Variants in ZNF385D observed in about 807,000 individuals in gnomAD.
The protein encoded by ZNF385D is zinc finger protein 385D.
A neutral mutation model predicts 35.8 loss-of-function variants in ZNF385D; 15 were observed. The observed-to-expected ratio is 0.42, with a 90% CI of 0.28 to 0.64. ZNF385D has a LOEUF of 0.64. Ranked by LOEUF, ZNF385D falls within the 30% of genes least tolerant of loss-of-function variation. The pLI is 0.23. For missense variants in ZNF385D, 474 were observed against 494.6 expected, an observed-to-expected ratio of 0.96 and a Z score of 0.39; for synonymous variants, 212 against 186.8, an observed-to-expected ratio of 1.13 and a Z score of -1.10.
chr3:21,680,148 CTT>C (rs2066854480), intron 1 of ZNF385D, among the ~76,000 whole-genome samples: 1 of 152,084 alleles, frequency 6.6e-6, no homozygotes, highest in Non-Finnish European at 1.5e-5. Context: ...CCTCTTCTCT[CTT>C]GGCTGCCCTC....
At chr3:21,759,627 C>T (rs2070510791) in intron 3 of ZNF385D, among the ~76,000 whole-genome samples, 1 of 152,106 alleles carries the variant, frequency 6.6e-6, no homozygotes, top group Non-Finnish European at 1.5e-5. Context: ...ATCTTATACA[C>T]TTCAGAGGTT....
At chr3:21,684,807 C>T (rs1406361484) in intron 1 of ZNF385D, among the ~76,000 whole-genome samples, 2 of 152,114 alleles carry the variant, frequency 1.3e-5, no homozygotes, top group African/African-American at 2.4e-5. Flanking sequence ...AAGAATGTCA[C>T]ATTTTTAAGA....
At position 21,598,722 on chromosome 3, in the gene ZNF385D, G is replaced by A. The variant is rs193177672; in HGVS notation, c.166-34038C>T. ...AGGTACTGTGACTTAAATAATAAAG[G>A]AAATAAATATCTGAGGACTTGATAT... On this transcript the variant is annotated intron_variant, in intron 2 of 7. Coordinates refer to ENST00000281523, the MANE Select transcript of ZNF385D (RefSeq NM_024697.3). 1.7e-3 allele frequency among the ~76,000 whole-genome samples: 257 copies of A among 152,204 alleles called. 2 individuals are homozygous for A. The highest frequency in any genetic ancestry group is 3.4e-3 in the Middle Eastern group (1 of 294).
At chr3:21,695,180 G>A (rs17009343) in intron 1 of ZNF385D, among the ~76,000 whole-genome samples, 3,766 of 152,298 alleles carry the variant, frequency 0.025, 164 homozygotes, top group African/African-American at 0.084. Flanking sequence ...ACAAAAGCGC[G>A]ATGTGAAAAG....
chr3:21,420,498 G>A lies in ZNF385D; in HGVS notation c.*716C>T, dbSNP rs1474192704. The stretch of plus-strand genomic sequence containing the variant: ...CTCCCCCATCTCTAAGCTTAGCCCT[G>A]TTATATCTTCAAGCTAGACAGGAGG... On this transcript the variant is annotated 3_prime_UTR_variant, in exon 8 of 8. Transcript: ENST00000281523. 1 of 152,162 alleles carries A rather than the reference G, an allele frequency of 6.6e-6. No individual in the cohort carries two copies. Among genetic ancestry groups the A allele is most frequent in the Non-Finnish European group, 1.5e-5 (1 of 68,026 alleles). The allele number at this position is 152,162 out of a possible 1,614,324, so 9.4% of individuals were successfully genotyped here. A position where few individuals can be genotyped will look rare whatever the true frequency, so the allele number is the denominator to read the frequency against.
At chr3:21,670,650 G>C (rs113022770) in intron 1 of ZNF385D, among the ~76,000 whole-genome samples, 151 of 3,866 alleles carry the variant, frequency 0.039, 8 homozygotes, top group Middle Eastern at 0.14. Context: ...ATCCTAAGGC[G>C]CCCCCCCCCC....
At chr3:21,967,192 G>A (rs1053153992) in intron 3 of ZNF385D, among the ~76,000 whole-genome samples, 1 of 152,016 alleles carries the variant, frequency 6.6e-6, no homozygotes, top group African/African-American at 2.4e-5. Flanking sequence ...CTTTAGCTTT[G>A]GCACTGTTTA....
intron 3 of ZNF385D, among the ~76,000 whole-genome samples, chr3:22,116,820 T>C (rs140586040): frequency 6.6e-6 from 1 of 152,068 alleles, no homozygotes; most frequent in East Asian, 1.9e-4. Context: ...GAAAGGTTTA[T>C]AAGGCTATTT....
chr3:22,157,656 T>C (rs1472771269), intron 3 of ZNF385D, among the ~76,000 whole-genome samples: 1 of 152,160 alleles, frequency 6.6e-6, no homozygotes, highest in East Asian at 1.9e-4. Context: ...TCACATATTC[T>C]CTAACTTTTT....
chr3:22,269,196 C>T (rs1405129677), intron 2 of ZNF385D, among the ~76,000 whole-genome samples: 1 of 151,828 alleles, frequency 6.6e-6, no homozygotes, highest in Non-Finnish European at 1.5e-5. Flanking sequence ...TTCTTATATC[C>T]CCAGCACTAA....
In ZNF385D at chr3:21,417,316, T is replaced by A. The variant is rs1192009700; in HGVS notation, c.*3898A>T. ...AATTAAGGGCAAGGCATTAGTTGACTATTTAAGTTACCCTGTTGGTCAGGG... is the reference window on the plus strand; with the variant it reads ...AATTAAGGGCAAGGCATTAGTTGACAATTTAAGTTACCCTGTTGGTCAGGG... On this transcript the variant is annotated 3_prime_UTR_variant, in exon 8 of 8. Coordinates refer to ENST00000281523, the MANE Select transcript of ZNF385D (RefSeq NM_024697.3). 6.6e-6 allele frequency: 1 copy of A among 152,126 alleles called. No homozygotes were observed. Among genetic ancestry groups the A allele is most frequent in the Non-Finnish European group, 1.5e-5 (1 of 67,992 alleles). 9.4% of individuals were successfully genotyped at this position (152,126 alleles called of 1,614,324 possible). A position where few individuals can be genotyped will look rare whatever the true frequency, so the allele number is the denominator to read the frequency against.
chr3:21,514,982 G>A (rs1042130745), intron 3 of ZNF385D, among the ~76,000 whole-genome samples: 8 of 151,932 alleles, frequency 5.3e-5, no homozygotes, highest in Non-Finnish European at 7.4e-5. Flanking sequence ...ATGCACACAC[G>A]CGTTCCTGTA....
intron 3 of ZNF385D, among the ~76,000 whole-genome samples, chr3:22,006,092 T>C (rs946909386): frequency 2.0e-5 from 3 of 152,110 alleles, no homozygotes; most frequent in Non-Finnish European, 4.4e-5. Context: ...CACCTCCTGG[T>C]TCTAATTTCA....
chr3:22,120,120 ATG>A (rs1703013981), intron 3 of ZNF385D, among the ~76,000 whole-genome samples: 1 of 151,704 alleles, frequency 6.6e-6, no homozygotes, highest in Admixed American at 6.6e-5. Context: ...GTGATTCACC[ATG>A]TCCTGCTGCA....
intron 3 of ZNF385D, among the ~76,000 whole-genome samples, chr3:21,912,666 C>A (rs1700019005): frequency 6.6e-6 from 1 of 152,008 alleles, no homozygotes; most frequent in African/African-American, 2.4e-5. Flanking sequence ...CAGTGGCGAT[C>A]ATTAGAACTT....
intron 2 of ZNF385D, among the ~76,000 whole-genome samples, chr3:22,177,567 G>A (rs535578543): frequency 1.3e-5 from 2 of 152,124 alleles, no homozygotes; most frequent in African/African-American, 2.4e-5. Flanking sequence ...GATAATGTAG[G>A]CTAGACTGAC....
At chr3:21,682,076 G>T (rs1172648819) in intron 1 of ZNF385D, among the ~76,000 whole-genome samples, 3 of 152,100 alleles carry the variant, frequency 2.0e-5, no homozygotes, top group Non-Finnish European at 4.4e-5. Flanking sequence ...GAGGAAAAAA[G>T]AGTAATGTAA....
At chr3:21,719,293 T>G (rs1296264615) in intron 1 of ZNF385D, among the ~76,000 whole-genome samples, 2 of 152,176 alleles carry the variant, frequency 1.3e-5, no homozygotes, top group Non-Finnish European at 2.9e-5. Flanking sequence ...CCAGGCATAC[T>G]GGTAAGAAGT....
intron 2 of ZNF385D, among the ~76,000 whole-genome samples, chr3:22,176,129 A>G (rs553990070): frequency 6.6e-6 from 1 of 151,692 alleles, no homozygotes; most frequent in Non-Finnish European, 1.5e-5. Context: ...CCAAGACATA[A>G]AAATGGCATT....
Sources: allele counts gnomAD v4.1 joint callset (sites outside exome capture counted in the v4.1 genomes callset), GRCh38; gene constraint gnomAD v4.1.1; transcripts MANE v1.5; gene names NCBI Gene and HGNC (gene_info 2026-07-23, HGNC 2026-07-21).